Variants in PCDHGB3 observed in about 807,000 individuals in gnomAD.
The protein encoded by PCDHGB3 is protocadherin gamma subfamily B, 3.
In PCDHGB3, 40 loss-of-function variants were observed where a neutral mutation model predicts 59.2. The observed-to-expected ratio is 0.68, with a 90% confidence interval of 0.52 to 0.88. The LOEUF is 0.88. Among genes scored for constraint, PCDHGB3 ranks in the 40% least tolerant of loss-of-function variants. The probability of loss-of-function intolerance (pLI) is 0.00; values close to 1 mark genes in which losing one functional copy is unlikely to be tolerated. For missense variants in PCDHGB3, 1,309 were observed against 1,187.9 expected (o/e 1.10, Z -1.50); for synonymous variants, 581 against 503.6 (o/e 1.15, Z -2.06).
intron 1 of PCDHGB3, chr5:141,394,748 C>A: frequency 6.2e-7 from 1 of 1,613,414 alleles, no homozygotes. Flanking sequence ...TCGTGGTGGC[C>A]GTCCAGGACC....
intron 2 of PCDHGB3, among the ~76,000 whole-genome samples, chr5:141,499,796 C>T (rs2099794539): frequency 6.6e-6 from 1 of 150,412 alleles, no homozygotes; most frequent in South Asian, 2.1e-4. Context: ...AAGCAATTCT[C>T]ATGCTTCAGC....
chr5:141,413,417 T>A (rs777399697), intron 1 of PCDHGB3: 1 of 1,614,086 alleles, frequency 6.2e-7, no homozygotes, highest in Non-Finnish European at 8.5e-7. Context: ...CTTTTCTCTC[T>A]GAACCCGCGC....
chr5:141,422,117 C>A, intron 1 of PCDHGB3: 1 of 1,604,272 alleles, frequency 6.2e-7, no homozygotes, highest in East Asian at 2.2e-5. Context: ...CAATTGGATT[C>A]ACAAACTGGA....
At chr5:141,508,664 T>C (rs1381178258) in intron 3 of PCDHGB3, among the ~76,000 whole-genome samples, 1 of 152,030 alleles carries the variant, frequency 6.6e-6, no homozygotes, top group Non-Finnish European at 1.5e-5. Context: ...TGTCATTCTG[T>C]CTCTGCCTCC....
At chr5:141,449,280 C>G (rs934214922) in intron 1 of PCDHGB3, among the ~76,000 whole-genome samples, 1 of 151,944 alleles carries the variant, frequency 6.6e-6, no homozygotes, top group East Asian at 1.9e-4. Context: ...CTCCTTCACC[C>G]GGATGCACCG....
At chr5:141,469,964 G>T (rs974494589) in intron 1 of PCDHGB3, among the ~76,000 whole-genome samples, 2 of 152,002 alleles carry the variant, frequency 1.3e-5, no homozygotes, top group Non-Finnish European at 2.9e-5. Flanking sequence ...AACCCCATCT[G>T]TACCAAAAAT....
intron 1 of PCDHGB3, chr5:141,403,391 G>C (rs1182066905): frequency 6.2e-7 from 1 of 1,614,046 alleles, no homozygotes; most frequent in East Asian, 2.2e-5. Flanking sequence ...CGAAATCGCG[G>C]TTCCTGGAGC....
At chr5:141,504,236 C>A (rs1011850372) in intron 2 of PCDHGB3, among the ~76,000 whole-genome samples, 2 of 152,194 alleles carry the variant, frequency 1.3e-5, no homozygotes, top group African/African-American at 4.8e-5. Flanking sequence ...TTCTAAGAAG[C>A]AGAGAGTTCT....
At chr5:141,453,093 C>A (rs1408495535) in intron 1 of PCDHGB3, among the ~76,000 whole-genome samples, 1 of 151,928 alleles carries the variant, frequency 6.6e-6, no homozygotes, top group African/African-American at 2.4e-5. Context: ...AGTATATTTT[C>A]TGTTGCTTTT....
intron 1 of PCDHGB3, chr5:141,379,058 G>A (rs533303980): frequency 1.3e-5 from 2 of 152,256 alleles, no homozygotes; most frequent in South Asian, 2.1e-4. Context: ...AGAATGGATT[G>A]GCCACTTGTG....
intron 1 of PCDHGB3, chr5:141,424,091 G>A: frequency 1.1e-6 from 1 of 879,778 alleles, no homozygotes; most frequent in Non-Finnish European, 1.4e-6. Context: ...ACCATTATTT[G>A]CTATTACTGC....
Position 141,491,508 on chromosome 5 carries a change from G to A in PCDHGB3, c.2416-3299G>A. The A allele has an allele frequency of 6.2e-7, 1 of 1,614,030 alleles. No individual in the cohort carries two copies. The highest frequency in any genetic ancestry group is 8.5e-7 in the Non-Finnish European group (1 of 1,180,014). The stretch of plus-strand genomic sequence containing the variant: ...ACCTGCAGGTGAGCTCGGACGGCAC[G>A]CTCAAGTACATGGAGGTGACGCTGC... On this transcript the variant is annotated intron_variant, in intron 1 of 3. Transcript: ENST00000576222. This position sits in a 1 kb window ranked among gnomAD's most constrained non-coding sequence, Gnocchi z 6.9.
chr5:141,507,522 C>G (rs560304194), intron 3 of PCDHGB3, among the ~76,000 whole-genome samples: 365 of 152,096 alleles, frequency 2.4e-3, no homozygotes, highest in African/African-American at 8.1e-3. Context: ...GCTATGATTC[C>G]AGAGAGGCCA....
chr5:141,511,003 G>T lies in PCDHGB3; in HGVS notation c.2620G>T (p.Ala874Ser), dbSNP rs114669158. ...GGGAGTMGLS[A>S]RYGPQFTLQH... The stretch of plus-strand genomic sequence containing the variant: ...GGGTGCCGGCACCATGGGATTGAGC[G>T]CCCGCTACGGACCCCAGTTCACCCT... Residue 874 changes from alanine to serine, a missense_variant, in exon 4 of 4, where the codon GCC (alanine) becomes TCC (serine). Coordinates refer to ENST00000576222, the MANE Select transcript of PCDHGB3 (RefSeq NM_018924.5). 2 of 1,614,032 alleles carry T rather than the reference G, an allele frequency of 1.2e-6. No individual in the cohort carries two copies. Among genetic ancestry groups the T allele is most frequent in the Non-Finnish European group, 1.7e-6 (2 of 1,180,020 alleles).
chr5:141,394,756 A>G (rs757241753), intron 1 of PCDHGB3: 4 of 1,613,324 alleles, frequency 2.5e-6, no homozygotes, highest in East Asian at 4.5e-5. Flanking sequence ...GCCGTCCAGG[A>G]CCATGGCCAG....
At position 141,476,503 on chromosome 5, in the gene PCDHGB3, C is replaced by T. The variant is rs1259213742; in HGVS notation, c.2416-18304C>T. 2 of 1,614,138 alleles carry T rather than the reference C, an allele frequency of 1.2e-6. No individual in the cohort carries two copies. ...TGGAAGTGGTGATCCAGGACATCAA[C>T]GACAACAATCCTGCTTTCCCTACCC... On this transcript the variant is annotated intron_variant, in intron 1 of 3. Transcript: ENST00000576222. The surrounding 1 kb of genome is among the most constrained non-coding windows in gnomAD (Gnocchi z 7.6).
chr5:141,378,924 G>A (rs1426450881), intron 1 of PCDHGB3: 5 of 152,202 alleles, frequency 3.3e-5, no homozygotes, highest in African/African-American at 1.2e-4. Flanking sequence ...TCAAAAGTAA[G>A]TTGATGGCCC....
At chr5:141,390,565 G>A in intron 1 of PCDHGB3, 2 of 420,818 alleles carry the variant, frequency 4.8e-6, no homozygotes, top group Non-Finnish European at 8.5e-6. Context: ...ACAGTTGTTG[G>A]CTCTCTCCTA....
chr5:141,376,975 C>T (rs1216034593), intron 1 of PCDHGB3: 1 of 157,554 alleles, frequency 6.3e-6, no homozygotes, highest in African/African-American at 2.4e-5. Flanking sequence ...GCGTGAGCCA[C>T]CGCGCCCGGC....
Sources: gnomAD v4.1 joint callset for allele counts (sites outside exome capture counted in the v4.1 genomes callset) on GRCh38, gnomAD v4.1.1 for gene constraint, Gnocchi (gnomAD v3.1) non-coding constraint, MANE v1.5 for transcripts, NCBI Gene and HGNC (gene_info 2026-07-23, HGNC 2026-07-21) for gene names.